Variants in TTC27 observed in about 807,000 individuals in gnomAD.
The protein encoded by TTC27 is tetratricopeptide repeat protein 27.
A neutral mutation model predicts 115.9 loss-of-function variants in TTC27; 79 were observed. The ratio of observed to expected loss-of-function variants is 0.68; its 90% CI spans 0.57 to 0.82. TTC27 has a LOEUF of 0.82. TTC27 is among the 40% of genes least tolerant of loss of function. The probability of loss-of-function intolerance (pLI) is 0.00; values close to 1 mark genes in which losing one functional copy is unlikely to be tolerated. For synonymous variants in TTC27, 401 were observed against 356.0 expected, an observed-to-expected ratio of 1.13 and a Z score of -1.42; for missense variants, 1,054 against 993.1, an observed-to-expected ratio of 1.06 and a Z score of -0.82.
chr2:32,759,283 T>G (rs563631350), intron 13 of TTC27, among the ~76,000 whole-genome samples: 1 of 152,246 alleles, frequency 6.6e-6, no homozygotes, highest in Non-Finnish European at 1.5e-5. Flanking sequence ...AATCACCAGT[T>G]AAAATACTAA....
intron 13 of TTC27, among the ~76,000 whole-genome samples, chr2:32,762,276 A>AGTGTGTGTGTGT (rs10523103): frequency 5.5e-4 from 75 of 136,324 alleles, no homozygotes; most frequent in Middle Eastern, 3.8e-3. Flanking sequence ...CACAGAGAGA[A>AGTGTGTGTGTGT]GTGTGTGTGT....
At chr2:32,815,611 C>A (rs1237602598) in intron 18 of TTC27, among the ~76,000 whole-genome samples, 1 of 152,078 alleles carries the variant, frequency 6.6e-6, no homozygotes, top group African/African-American at 2.4e-5. Flanking sequence ...AGTAGGAAAA[C>A]TAATAGAGTA....
intron 12 of TTC27, among the ~76,000 whole-genome samples, chr2:32,754,064 A>T (rs1308623359): frequency 4.6e-5 from 7 of 151,874 alleles, no homozygotes; most frequent in Non-Finnish European, 1.0e-4. Flanking sequence ...CAGAAGCAAG[A>T]CTCCATCTCA....
At chr2:32,773,388 G>C (rs1423957931) in intron 13 of TTC27, among the ~76,000 whole-genome samples, 1 of 152,204 alleles carries the variant, frequency 6.6e-6, no homozygotes, top group Non-Finnish European at 1.5e-5. Context: ...GAGCGTTTGT[G>C]GGGGAAGAGA....
chr2:32,641,619 A>G (rs1003595204), intron 4 of TTC27, among the ~76,000 whole-genome samples: 4 of 152,192 alleles, frequency 2.6e-5, no homozygotes, highest in African/African-American at 9.7e-5. Flanking sequence ...GAAATAGTAC[A>G]TCTAAATTTT....
chr2:32,745,455 G>C (rs953745475), intron 12 of TTC27, among the ~76,000 whole-genome samples: 1 of 152,148 alleles, frequency 6.6e-6, no homozygotes, highest in African/African-American at 2.4e-5. Context: ...TCATCTGATA[G>C]GAACTACCTG....
chr2:32,758,939 T>C (rs1352767993), intron 13 of TTC27, among the ~76,000 whole-genome samples: 2 of 152,188 alleles, frequency 1.3e-5, no homozygotes, highest in Admixed American at 6.5e-5. Context: ...ATAGAATGGA[T>C]TCTTGATCAT....
At position 32,634,013 on chromosome 2, in the gene TTC27, T is replaced by G. The variant is rs1308067222; in HGVS notation, c.396+8T>G. ...TTCCAGCAATTCAGTGAGGTATGCT[T>G]CTTGAAAATGTTGTATGTAATTATT... On this transcript the variant is annotated splice_region_variant and intron_variant, in intron 3 of 19. Transcript: ENST00000317907. 12 of 1,608,646 alleles carry G rather than the reference T, an allele frequency of 7.5e-6. No individual in the cohort carries two copies. Among genetic ancestry groups the G allele is most frequent in the Admixed American group, 6.8e-5 (4 of 59,214 alleles).
Position 32,760,368 on chromosome 2 carries a change from GGAC to G in TTC27, c.1680+1851_1680+1853del, listed in dbSNP as rs763298393. 2.0e-5 allele frequency among the ~76,000 whole-genome samples: 3 copies of G among 152,168 alleles called. No individual in the cohort carries two copies. The East Asian group carries it at 5.8e-4, about 29-fold the overall frequency. On this transcript the variant is annotated intron_variant, in intron 13 of 19. Transcript: ENST00000317907. ...ACTGGGGATGATTTTGTCCCCCAGA[GGAC>G]GTTTGGCAACTCACGTAGTCATTTT...
At chr2:32,671,100 T>C (rs894619713) in intron 7 of TTC27, among the ~76,000 whole-genome samples, 4 of 152,234 alleles carry the variant, frequency 2.6e-5, no homozygotes, top group African/African-American at 9.6e-5. Context: ...TGAAGTCTAA[T>C]TTATGAAGTT....
At chr2:32,631,790 A>C (rs899293000) in intron 2 of TTC27, among the ~76,000 whole-genome samples, 10 of 152,020 alleles carry the variant, frequency 6.6e-5, no homozygotes, top group African/African-American at 1.4e-4. Flanking sequence ...TTTTATTTTG[A>C]AAATTAATAT....
chr2:32,651,163 A>G (rs886670101), intron 5 of TTC27, among the ~76,000 whole-genome samples: 1 of 152,220 alleles, frequency 6.6e-6, no homozygotes. Flanking sequence ...TTCAGATCCA[A>G]CAGTATGGAA....
At chr2:32,752,409 T>A (rs1411033867) in intron 12 of TTC27, among the ~76,000 whole-genome samples, 1 of 152,222 alleles carries the variant, frequency 6.6e-6, no homozygotes, top group Admixed American at 6.5e-5. Flanking sequence ...TAACTTTGTT[T>A]AGTTTTGGCC....
At chr2:32,661,340 A>C (rs1423308147) in intron 5 of TTC27, among the ~76,000 whole-genome samples, 1 of 152,172 alleles carries the variant, frequency 6.6e-6, no homozygotes, top group Admixed American at 6.5e-5. Flanking sequence ...ATAGCATTGA[A>C]TCTATAAATT....
At position 32,784,957 on chromosome 2, in the gene TTC27, T is replaced by C. The variant is rs375921837; in HGVS notation, c.1833-2027T>C. 1.2e-3 allele frequency among the ~76,000 whole-genome samples: 182 copies of C among 152,358 alleles called. 1 individual carries two copies. Among genetic ancestry groups the C allele is most frequent in the South Asian group, 8.5e-3 (41 of 4,832 alleles). On this transcript the variant is annotated intron_variant, in intron 15 of 19. Transcript: ENST00000317907. ...CAATTTATGACTGAAATTGAAGACA[T>C]GTTTCCTTTCTTTTTGAGTTCCCTT...
chr2:32,631,581 A>G (rs1664214956), intron 2 of TTC27, among the ~76,000 whole-genome samples: 1 of 152,172 alleles, frequency 6.6e-6, no homozygotes, highest in Non-Finnish European at 1.5e-5. Flanking sequence ...TCTTTCGTCT[A>G]CTATCTGTGG....
At chr2:32,729,810 T>G (rs1668232014) in intron 10 of TTC27, among the ~76,000 whole-genome samples, 1 of 152,104 alleles carries the variant, frequency 6.6e-6, no homozygotes, top group Non-Finnish European at 1.5e-5. Flanking sequence ...TATATTTGCT[T>G]CTTCTCCCCC....
At chr2:32,631,217 C>T (rs932597995) in intron 2 of TTC27, among the ~76,000 whole-genome samples, 1 of 152,188 alleles carries the variant, frequency 6.6e-6, no homozygotes, top group African/African-American at 2.4e-5. Flanking sequence ...GCCGAAGAAT[C>T]GCTTGAACCT....
rs1215196263 is a variant in TTC27 at position 32,628,157 on chromosome 2, AG to A, written c.-133del. The A allele has an allele frequency of 1.3e-6, 1 of 776,622 alleles. No homozygotes were observed. The highest frequency in any genetic ancestry group is 2.5e-5 in the Admixed American group (1 of 39,864). 48.1% of individuals were successfully genotyped at this position (776,622 alleles called of 1,614,324 possible). On this transcript the variant is annotated 5_prime_UTR_variant, in exon 1 of 20. Coordinates refer to ENST00000317907, the MANE Select transcript of TTC27 (RefSeq NM_017735.5). ...AGGTAGTATCCGCACATGGAATTCT[AG>A]GGCCGCAGGTGTATTTACGGTAACT...
Sources: gnomAD v4.1 joint callset for allele counts (sites outside exome capture counted in the v4.1 genomes callset) on GRCh38, gnomAD v4.1.1 for gene constraint, MANE v1.5 for transcripts, NCBI Gene and HGNC (gene_info 2026-07-23, HGNC 2026-07-21) for gene names.